Variants in CUL9 observed in about 807,000 individuals in gnomAD.
CUL9 encodes cullin-9.
A neutral mutation model predicts 272.6 loss-of-function variants in CUL9; 79 were observed. The observed-to-expected ratio is 0.29, with a 90% confidence interval of 0.24 to 0.35. CUL9 has a LOEUF of 0.35. Among genes scored for constraint, CUL9 ranks in the 10% least tolerant of loss-of-function variants. CUL9 has a pLI of 1.00. For missense variants in CUL9, 2,532 were observed against 3,255.6 expected (o/e 0.78, Z 5.41); for synonymous variants, 1,186 against 1,286.5 (o/e 0.92, Z 1.67).
At chr6:43,207,055 G>A (rs538535104) in intron 26 of CUL9, among the ~76,000 whole-genome samples, 14 of 152,220 alleles carry the variant, frequency 9.2e-5, no homozygotes, top group African/African-American at 3.4e-4. Context: ...TGTTAACCAG[G>A]CTGGTCTCAA....
chr6:43,194,915 C>T lies in CUL9; in HGVS notation c.2389-1154C>T, dbSNP rs147246411. Among the ~76,000 whole-genome samples the T allele has an allele frequency of 8.0e-3, 1,220 of 152,128 alleles. 15 individuals are homozygous for T. Among genetic ancestry groups the T allele is most frequent in the African/African-American group, 0.028 (1,155 of 41,520 alleles). ...TACTAAAAACACAAAATTAGCCGGG[C>T]GTGGTGGTGCATGCTTGTAATCCCA... On this transcript the variant is annotated intron_variant, in intron 9 of 40. Coordinates refer to ENST00000252050, the MANE Select transcript of CUL9 (RefSeq NM_015089.4).
chr6:43,196,578 C>T (rs754390409), intron 10 of CUL9, 67 bp from the exon 11 acceptor site: 20 of 1,401,582 alleles, frequency 1.4e-5, no homozygotes, highest in Non-Finnish European at 1.5e-5. Context: ...GCCTTCTATG[C>T]TTGCTTTGCT....
Position 43,224,048 on chromosome 6 carries a change from C to G in CUL9, c.7285-47C>G, listed in dbSNP as rs768746721. 6.4e-7 allele frequency: 1 copy of G among 1,566,680 alleles called. No homozygotes were observed. Among genetic ancestry groups the G allele is most frequent in the Non-Finnish European group, 8.8e-7 (1 of 1,136,864 alleles). On this transcript the variant is annotated intron_variant, in intron 39 of 40. Transcript: ENST00000252050. This position sits in a 1 kb window ranked among gnomAD's most constrained non-coding sequence, Gnocchi z 4.2. The stretch of plus-strand genomic sequence containing the variant: ...GTGGAAGGAATGCTGGGTCCAAAGG[C>G]CCCATGCCCTCTACCTCCTTCTCAA...
At chr6:43,204,259 C>G (rs563166002) in intron 20 of CUL9, 101 bp from the exon 21 acceptor site, 2 of 1,444,956 alleles carry the variant, frequency 1.4e-6, no homozygotes, top group African/African-American at 1.4e-5. Context: ...CCCACTACCC[C>G]TCAAGCCTTT....
chr6:43,221,576 G>A lies in CUL9; in HGVS notation c.6753-109G>A. On this transcript the variant is annotated intron_variant, in intron 34 of 40. Coordinates refer to ENST00000252050, the MANE Select transcript of CUL9 (RefSeq NM_015089.4). This position sits in a 1 kb window ranked among gnomAD's most constrained non-coding sequence, Gnocchi z 4.2. Reference sequence around the variant, plus strand: ...TGGGTATGACTAAGGAGACTATCAGGGCAGGAGCAGAGGCCACAGCATCAA... The same window carrying A: ...TGGGTATGACTAAGGAGACTATCAGAGCAGGAGCAGAGGCCACAGCATCAA... The A allele has an allele frequency of 9.5e-7, 1 of 1,051,256 alleles. No individual in the cohort carries two copies. The highest frequency in any genetic ancestry group is 1.4e-6 in the Non-Finnish European group (1 of 713,090). The allele number at this position is 1,051,256 out of a possible 1,614,324, so 65.1% of individuals were successfully genotyped here.
At chr6:43,222,254 C>A in intron 35 of CUL9, 62 bp from the exon 36 acceptor site, 1 of 1,392,864 alleles carries the variant, frequency 7.2e-7, no homozygotes, top group Non-Finnish European at 1.0e-6. Flanking sequence ...GGCTTTTCCA[C>A]TTATTAACTC....
chr6:43,194,637 A>G (rs1348493472), intron 9 of CUL9, among the ~76,000 whole-genome samples: 1 of 151,656 alleles, frequency 6.6e-6, no homozygotes, highest in Non-Finnish European at 1.5e-5. Flanking sequence ...GCTTTTCTTT[A>G]TGGGACCAAG....
In CUL9 at chr6:43,223,861, CAT is replaced by C. The variant is rs1776585477; in HGVS notation, c.7285-232_7285-231del. 1.0e-5 allele frequency: 6 copies of C among 575,776 alleles called. No individual in the cohort carries two copies. The South Asian group carries it at 1.2e-4, about 11-fold the overall frequency. 35.7% of individuals were successfully genotyped at this position (575,776 alleles called of 1,614,324 possible). A position where few individuals can be genotyped will look rare whatever the true frequency, so the allele number is the denominator to read the frequency against. On this transcript the variant is annotated intron_variant, in intron 39 of 40. Transcript: ENST00000252050. The surrounding 1 kb of genome is among the most constrained non-coding windows in gnomAD (Gnocchi z 4.1). ...TGGTAAGTCACATGGGCAGAAAAGACATAGATTCTGTAAGCTCTTTAAGCACA... is the reference window on the plus strand; with the variant it reads ...TGGTAAGTCACATGGGCAGAAAAGACAGATTCTGTAAGCTCTTTAAGCACA...
chr6:43,221,328 A>AG lies in CUL9; in HGVS notation c.6752+13dup, dbSNP rs753250151. The AG allele has an allele frequency of 2.0e-6, 3 of 1,503,534 alleles. No individual in the cohort carries two copies. The highest frequency in any genetic ancestry group is 2.3e-5 in the South Asian group (2 of 88,552). The allele number at this position is 1,503,534 out of a possible 1,614,324, so 93.1% of individuals were successfully genotyped here. On this transcript the variant is annotated splice_region_variant and intron_variant, in intron 34 of 40. Transcript: ENST00000252050. The surrounding 1 kb of genome is among the most constrained non-coding windows in gnomAD (Gnocchi z 4.2). ...AGAACGAGGGGTGCCTGCAGTAAGA[A>AG]GGGGGGTACTGTGGGGAGCCAGAGG...
In CUL9 at chr6:43,220,314, G is replaced by A; in HGVS notation, c.6283-145G>A. ...AAGCTGGAGAGAGGAGTCAGCATTG[G>A]TTGATCTAGAGGCAGGCTTGTTTCT... On this transcript the variant is annotated intron_variant, in intron 31 of 40. Transcript: ENST00000252050. The surrounding 1 kb of genome is among the most constrained non-coding windows in gnomAD (Gnocchi z 4.9). 1 of 912,624 alleles carries A rather than the reference G, an allele frequency of 1.1e-6. No individual in the cohort carries two copies. The highest frequency in any genetic ancestry group is 1.7e-6 in the Non-Finnish European group (1 of 592,486). The allele number at this position is 912,624 out of a possible 1,614,324, so 56.5% of individuals were successfully genotyped here. A position where few individuals can be genotyped will look rare whatever the true frequency, so the allele number is the denominator to read the frequency against.
chr6:43,201,844 A>C (rs1774605814), intron 16 of CUL9, among the ~76,000 whole-genome samples: 2 of 152,234 alleles, frequency 1.3e-5, no homozygotes, highest in South Asian at 2.1e-4. Flanking sequence ...CAGATCACAA[A>C]ATGTTTTGTG....
At chr6:43,194,363 G>A (rs1434403262) in intron 9 of CUL9, among the ~76,000 whole-genome samples, 1 of 151,440 alleles carries the variant, frequency 6.6e-6, no homozygotes, top group Non-Finnish European at 1.5e-5. Flanking sequence ...CTGTAGCCCA[G>A]GCTGGAGTGC....
intron 8 of CUL9, among the ~76,000 whole-genome samples, chr6:43,190,418 A>G (rs563438058): frequency 1.4e-4 from 21 of 151,056 alleles, no homozygotes; most frequent in African/African-American, 5.1e-4. Context: ...TGTTCCAGAT[A>G]TTTTGCTTGT....
chr6:43,192,546 C>T (rs947567820), intron 8 of CUL9, among the ~76,000 whole-genome samples: 7 of 152,122 alleles, frequency 4.6e-5, no homozygotes, highest in Admixed American at 6.5e-5. Context: ...CGTGGTAGCA[C>T]GCACCTGTAG....
intron 26 of CUL9, among the ~76,000 whole-genome samples, chr6:43,209,370 C>T (rs1224708544): frequency 1.3e-5 from 2 of 150,970 alleles, no homozygotes; most frequent in South Asian, 2.1e-4. Flanking sequence ...AGGATGGTCT[C>T]GATCTCCTGA....
chr6:43,190,850 T>C (rs1773398381), intron 8 of CUL9, among the ~76,000 whole-genome samples: 3 of 152,312 alleles, frequency 2.0e-5, no homozygotes, highest in Middle Eastern at 3.4e-3. Flanking sequence ...CAAGAGTCAA[T>C]ACCTGCTATT....
chr6:43,213,610 G>T lies in CUL9; in HGVS notation c.5488+43G>T, dbSNP rs1438810575. The T allele has an allele frequency of 1.2e-6, 2 of 1,606,264 alleles. No homozygotes were observed. Among genetic ancestry groups the T allele is most frequent in the African/African-American group, 1.3e-5 (1 of 74,558 alleles). On this transcript the variant is annotated intron_variant, in intron 28 of 40. Transcript: ENST00000252050. The surrounding 1 kb of genome is among the most constrained non-coding windows in gnomAD (Gnocchi z 5.7). ...GGGCTGAGCCTCTGCTGCTGGTCGG[G>T]GGGTCGCCCTCAAGATGGGGGGACT...
chr6:43,207,605 A>T (rs181983994), intron 26 of CUL9, among the ~76,000 whole-genome samples: 1 of 152,152 alleles, frequency 6.6e-6, no homozygotes, highest in African/African-American at 2.4e-5. Flanking sequence ...AGAATTGTTA[A>T]ATTTCTATTA....
In CUL9 at chr6:43,205,287, A is replaced by C. The variant is rs1248131087; in HGVS notation, c.4657A>C (p.Ile1553Leu). Residue 1553 changes from isoleucine to leucine, a missense_variant, in exon 24 of 41, where the codon ATT becomes CTT. Coordinates refer to ENST00000252050, the MANE Select transcript of CUL9 (RefSeq NM_015089.4). Reference protein sequence around the residue: ...AHMSEQFARYIDQQIQGGLIG... With the variant: ...AHMSEQFARYLDQQIQGGLIG... ...GATGAGTGAGCAGTTTGCCAGGTAC[A>C]TTGACCAACAGATCCAGGGTGGCCT... The C allele has an allele frequency of 1.2e-6, 2 of 1,613,996 alleles. No individual in the cohort carries two copies. Among genetic ancestry groups the C allele is most frequent in the African/African-American group, 2.7e-5 (2 of 74,914 alleles).
Sources: allele counts gnomAD v4.1 joint callset (sites outside exome capture counted in the v4.1 genomes callset), GRCh38; gene constraint gnomAD v4.1.1; non-coding constraint Gnocchi (gnomAD v3.1); transcripts MANE v1.5; gene names NCBI Gene and HGNC (gene_info 2026-07-23, HGNC 2026-07-21).